MAD1L1: variants seen among roughly 807,000 people sequenced by gnomAD.
The protein encoded by MAD1L1 is mitotic arrest deficient 1 like 1.
In MAD1L1, 95 loss-of-function variants were observed where a neutral mutation model predicts 96.9. That is an observed-to-expected ratio of 0.98 (90% CI 0.83 to 1.16). The LOEUF is 1.16. MAD1L1 is among the 50% of genes most tolerant of loss of function. The pLI is 0.00. For synonymous variants in MAD1L1, 473 were observed against 396.6 expected, an observed-to-expected ratio of 1.19 and a Z score of -2.29; for missense variants, 1,007 against 954.4, an observed-to-expected ratio of 1.06 and a Z score of -0.73.
chr7:2,024,437 T>C (rs1037318245), intron 12 of MAD1L1, among the ~76,000 whole-genome samples: 9 of 152,228 alleles, frequency 5.9e-5, no homozygotes, highest in African/African-American at 2.2e-4. Context: ...CCCTGTGGGC[T>C]TGAGCATTCC....
intron 3 of MAD1L1, among the ~76,000 whole-genome samples, chr7:2,228,727 A>G (rs1003089564): frequency 4.7e-5 from 7 of 147,496 alleles, no homozygotes; most frequent in African/African-American, 1.8e-4. Context: ...GGCAGTGAGC[A>G]AGCTAGCAAC....
intron 12 of MAD1L1, among the ~76,000 whole-genome samples, chr7:2,032,003 T>A (rs1783248917): frequency 6.6e-6 from 1 of 152,180 alleles, no homozygotes; most frequent in Non-Finnish European, 1.5e-5. Context: ...AGTTCAAAAA[T>A]CTTACAGTGC....
At chr7:1,816,893 CGGTCAGCACCCACACAGCCCCA>C (rs1353319509) in intron 18 of MAD1L1, 6 of 152,214 alleles carry the variant, frequency 3.9e-5, no homozygotes, top group African/African-American at 1.2e-4. Context: ...AGCCCCACCC[CGGTCAGCACCCACACAGCCCCA>C]GGTCAGGCAG....
chr7:2,012,616 G>C (rs999162286), intron 13 of MAD1L1, among the ~76,000 whole-genome samples: 5 of 152,230 alleles, frequency 3.3e-5, no homozygotes, highest in African/African-American at 9.7e-5. Context: ...GACAGAGGGG[G>C]CAGGGCATCA....
chr7:1,979,369 G>C (rs1780790216), intron 15 of MAD1L1, among the ~76,000 whole-genome samples: 1 of 152,154 alleles, frequency 6.6e-6, no homozygotes, highest in African/African-American at 2.4e-5. Context: ...CAGAGCAGAG[G>C]AGTGGCCAAT....
intron 10 of MAD1L1, among the ~76,000 whole-genome samples, chr7:2,160,367 C>G (rs1790046306): frequency 7.7e-6 from 1 of 130,186 alleles, no homozygotes; most frequent in African/African-American, 2.9e-5. Context: ...GAGTCTCACT[C>G]TGTGGCCCAG....
chr7:2,129,392 C>T (rs190715952), intron 11 of MAD1L1, among the ~76,000 whole-genome samples: 8 of 152,330 alleles, frequency 5.3e-5, no homozygotes, highest in Admixed American at 1.3e-4. Context: ...TGGACAGGCA[C>T]GAGCAGGCCA....
At chr7:2,046,943 G>C (rs535843337) in intron 12 of MAD1L1, among the ~76,000 whole-genome samples, 248 of 152,314 alleles carry the variant, frequency 1.6e-3, no homozygotes, top group African/African-American at 5.6e-3. Context: ...ACACCCCCTG[G>C]GCTGAGCGCA....
intron 15 of MAD1L1, among the ~76,000 whole-genome samples, chr7:1,979,739 G>T (rs1401331339): frequency 6.6e-6 from 1 of 152,228 alleles, no homozygotes. Flanking sequence ...CGGAGCCCAA[G>T]GGCTGCTGGA....
chr7:1,923,483 G>GCACC (rs1293062221), intron 17 of MAD1L1, among the ~76,000 whole-genome samples: 76 of 133,244 alleles, frequency 5.7e-4, no homozygotes, highest in Non-Finnish European at 1.0e-3. Flanking sequence ...TTCCGCCCCG[G>GCACC]CAGCCGGGCA....
chr7:2,150,298 G>A (rs1297591870), intron 10 of MAD1L1, among the ~76,000 whole-genome samples: 3 of 151,988 alleles, frequency 2.0e-5, no homozygotes, highest in South Asian at 4.2e-4. Context: ...CCACGGCCAC[G>A]GAGAGGCACA....
chr7:2,042,191 G>A lies in MAD1L1; in HGVS notation c.1218+27003C>T, dbSNP rs542210619. Among the ~76,000 whole-genome samples the A allele has an allele frequency of 4.7e-5, 7 of 150,194 alleles. No individual in the cohort carries two copies. The East Asian group carries it at 7.8e-4, about 17-fold the overall frequency. On this transcript the variant is annotated intron_variant, in intron 12 of 18. Transcript: ENST00000265854. Reference sequence around the variant, plus strand: ...CACACATACACATGCACACACACACGCACATGGACACAGACACGCACACAG... The same window carrying A: ...CACACATACACATGCACACACACACACACATGGACACAGACACGCACACAG...
rs1169813233 is a variant in MAD1L1, at chr7:1,887,936, CGT to C, written c.1998+10262_1998+10263del. 3.5e-4 allele frequency among the ~76,000 whole-genome samples: 50 copies of C among 140,916 alleles called. 1 individual carries two copies. The highest frequency in any genetic ancestry group is 6.0e-4 in the African/African-American group (22 of 36,930). The allele number at this position is 140,916 out of a possible 152,430, so 92.4% of individuals were successfully genotyped here. A position where few individuals can be genotyped will look rare whatever the true frequency, so the allele number is the denominator to read the frequency against. On this transcript the variant is annotated intron_variant, in intron 18 of 18. Transcript: ENST00000265854. ...ATGCATGGCTGCGGCTGCCTGTGCA[CGT>C]GTGTGTATGCACATGTGTATGTGGC...
chr7:2,148,671 C>G, intron 11 of MAD1L1: 1 of 159,046 alleles, frequency 6.3e-6, no homozygotes, highest in Admixed American at 6.1e-5. Flanking sequence ...TGATCGTCAT[C>G]CCAGGTTCCC....
rs1793469929 is a variant in MAD1L1 at position 2,219,434 on chromosome 7, CTCCCCT to C, written c.488_493del (p.Lys163_Gly164del). On this transcript the variant is annotated inframe_deletion, in exon 6 of 19. Transcript: ENST00000265854. ...CACGCTCCACTGCAGTTCCGAGATC[CTCCCCT>C]TCAGTGCGTTGATGGTCTAAAAGTA... 1 of 1,613,674 alleles carries C rather than the reference CTCCCCT, an allele frequency of 6.2e-7. No individual in the cohort carries two copies. The highest frequency in any genetic ancestry group is 1.7e-5 in the Admixed American group (1 of 59,978).
intron 17 of MAD1L1, among the ~76,000 whole-genome samples, chr7:1,903,171 C>G (rs1356219093): frequency 6.7e-5 from 10 of 150,342 alleles, no homozygotes; most frequent in Non-Finnish European, 1.3e-4. Flanking sequence ...TTCCAGGCAG[C>G]AAGCACACGG....
At chr7:1,872,148 G>A (rs539829477) in intron 18 of MAD1L1, among the ~76,000 whole-genome samples, 87 of 152,284 alleles carry the variant, frequency 5.7e-4, no homozygotes, top group African/African-American at 1.9e-3. Flanking sequence ...CCCCTGTCCC[G>A]CGACAGAGAG....
intron 14 of MAD1L1, among the ~76,000 whole-genome samples, chr7:2,001,750 A>T (rs1344673903): frequency 6.6e-6 from 1 of 152,028 alleles, no homozygotes; most frequent in Non-Finnish European, 1.5e-5. Flanking sequence ...TGCTGGACAG[A>T]CCCCTCGTAG....
intron 16 of MAD1L1, among the ~76,000 whole-genome samples, chr7:1,953,193 C>T (rs573586377): frequency 5.3e-5 from 8 of 152,332 alleles, no homozygotes; most frequent in Non-Finnish European, 1.0e-4. Flanking sequence ...TACCGCACCA[C>T]CTGCCTGCTG....
Sources: gnomAD v4.1 joint callset for allele counts (sites outside exome capture counted in the v4.1 genomes callset) on GRCh38, gnomAD v4.1.1 for gene constraint, MANE v1.5 for transcripts, NCBI Gene and HGNC (gene_info 2026-07-23, HGNC 2026-07-21) for gene names.